Variants in ENG observed in about 807,000 individuals in gnomAD.
ENG encodes CD105 antigen.
Under a neutral mutation model 71.0 loss-of-function variants are expected in ENG, and 17 were observed. The ratio of observed to expected loss-of-function variants is 0.24; its 90% confidence interval spans 0.16 to 0.36. ENG has a LOEUF of 0.36. Ranked by LOEUF, ENG falls within the 10% of genes least tolerant of loss-of-function variation. The pLI is 1.00. For synonymous variants in ENG, 360 were observed against 366.9 expected (o/e 0.98, Z 0.21); for missense variants, 749 against 868.3 (o/e 0.86, Z 1.73).
chr9:127,854,463 AGGCGGCCGGAGCGAC>A lies in ENG; in HGVS notation c.-123_-109del. 1 of 1,252,318 alleles carries A rather than the reference AGGCGGCCGGAGCGAC, an allele frequency of 8.0e-7. No individual in the cohort carries two copies. The highest frequency in any genetic ancestry group is 1.1e-6 in the Non-Finnish European group (1 of 910,118). 77.6% of individuals were successfully genotyped at this position (1,252,318 alleles called of 1,614,324 possible). ...GCTCGCACGGGGACCCGAGGGGAGC[AGGCGGCCGGAGCGAC>A]GGCGTCCCTGCTCCAGCCTTCTGGG... On this transcript the variant is annotated 5_prime_UTR_variant, in exon 1 of 15. Coordinates refer to ENST00000373203, the MANE Select transcript of ENG (RefSeq NM_001114753.3).
intron 1 of ENG, among the ~76,000 whole-genome samples, chr9:127,848,524 T>C (rs1021491840): frequency 5.9e-5 from 9 of 152,190 alleles, no homozygotes; most frequent in African/African-American, 1.9e-4. Context: ...CCGCAAGTGA[T>C]CCTCCCACCT....
intron 13 of ENG, chr9:127,816,764 G>A (rs190815230): frequency 2.0e-4 from 71 of 350,308 alleles, no homozygotes; most frequent in Admixed American, 5.9e-4. Flanking sequence ...TAGAGGGGGC[G>A]TCCTGCAGGG....
intron 7 of ENG, 134 bp downstream of exon 7, chr9:127,824,666 G>A (rs1169503933): frequency 8.7e-7 from 1 of 1,148,258 alleles, no homozygotes; most frequent in African/African-American, 1.6e-5. Flanking sequence ...TTGTTCCCAT[G>A]TGCAGATGAG....
chr9:127,834,991 AAT>A (rs139510422), intron 2 of ENG, among the ~76,000 whole-genome samples: 2 of 150,778 alleles, frequency 1.3e-5, no homozygotes, highest in Non-Finnish European at 1.5e-5. Context: ...TTTTGAATAA[AAT>A]ATATATATAT....
In ENG at chr9:127,816,973, C is replaced by T. The variant is rs1036253047; in HGVS notation, c.1741+176G>A. On this transcript the variant is annotated intron_variant, in intron 13 of 14. Coordinates refer to ENST00000373203, the MANE Select transcript of ENG (RefSeq NM_001114753.3). Reference sequence around the variant, plus strand: ...CCATCTGCAAAGTGCAGCTCTGGCCCCTGCTCTAGGCTGCTATGGCTCTGG... The same window carrying T: ...CCATCTGCAAAGTGCAGCTCTGGCCTCTGCTCTAGGCTGCTATGGCTCTGG... The T allele has an allele frequency of 1.6e-5, 12 of 740,698 alleles. No homozygotes were observed. In the Admixed American group the frequency reaches 2.6e-4, roughly 16 times the overall value. The allele number at this position is 740,698 out of a possible 1,614,324, so 45.9% of individuals were successfully genotyped here.
At chr9:127,819,867 T>C (rs1830430550) in intron 9 of ENG, 33 bp downstream of exon 9, 1 of 1,614,076 alleles carries the variant, frequency 6.2e-7, no homozygotes, top group Non-Finnish European at 8.5e-7. Flanking sequence ...CCAACCAGGC[T>C]GGTCCTGATA....
intron 1 of ENG, among the ~76,000 whole-genome samples, chr9:127,851,170 C>T (rs1831275156): frequency 6.6e-6 from 1 of 152,084 alleles, no homozygotes; most frequent in South Asian, 2.1e-4. Context: ...CAAGCTGAGG[C>T]AGCTATATGG....
intron 1 of ENG, 62 bp downstream of exon 1, chr9:127,854,227 C>T: frequency 1.3e-6 from 2 of 1,520,272 alleles, no homozygotes; most frequent in Non-Finnish European, 1.8e-6. Flanking sequence ...GCCGGGAATA[C>T]TTGGGGCCTG....
At chr9:127,837,764 A>C (rs1830936793) in intron 2 of ENG, among the ~76,000 whole-genome samples, 1 of 145,852 alleles carries the variant, frequency 6.9e-6, no homozygotes, top group African/African-American at 2.6e-5. Context: ...CCTCTCATCC[A>C]TGCATGAATG....
intron 1 of ENG, among the ~76,000 whole-genome samples, chr9:127,848,746 A>C (rs1831229850): frequency 6.6e-6 from 1 of 152,194 alleles, no homozygotes; most frequent in East Asian, 1.9e-4. Context: ...CACTCCCAGC[A>C]GACAGTGAGT....
intron 2 of ENG, among the ~76,000 whole-genome samples, chr9:127,833,522 CAAAAAAAAAAAA>C (rs57982372): frequency 1.5e-5 from 1 of 66,796 alleles, no homozygotes; most frequent in African/African-American, 5.7e-5. Context: ...AACTCCGCCT[CAAAAAAAAAAAA>C]AAAAAAAAAA....
rs1829096617 is a variant in ENG at position 127,854,322 on chromosome 9, G to C, written c.34C>G (p.Leu12Val). ...DRGTLPLAVA[L>V]LLASCSLSPT... ...CTGAGGCTGCAGCTGGCCAGCAGCA[G>C]GGCAACAGCCAGAGGGAGCGTGCCG... The change falls in exon 1 of 15, where the codon CTG becomes GTG. Residue 12 changes from leucine (L) to valine (V), a missense_variant. Coordinates refer to ENST00000373203, the MANE Select transcript of ENG (RefSeq NM_001114753.3). 1 of 1,596,406 alleles carries C rather than the reference G, an allele frequency of 6.3e-7. No homozygotes were observed. Among genetic ancestry groups the C allele is most frequent in the African/African-American group, 1.3e-5 (1 of 74,574 alleles).
intron 2 of ENG, chr9:127,841,281 C>T (rs1440340405): frequency 6.6e-6 from 1 of 152,386 alleles, no homozygotes; most frequent in African/African-American, 2.4e-5. Flanking sequence ...GAGAATGCAC[C>T]AGTCCCCTGG....
Position 127,818,106 on chromosome 9 carries a change from C to T in ENG, c.1686+14G>A. ...CTCCCACTTGAAGCTGGGGCCGGCC[C>T]AGGCCCCACTCACCTGGTCTTGAGA... On this transcript the variant is annotated intron_variant, in intron 12 of 14. Coordinates refer to ENST00000373203, the MANE Select transcript of ENG (RefSeq NM_001114753.3). The T allele has an allele frequency of 6.2e-7, 1 of 1,614,064 alleles. No individual in the cohort carries two copies. The highest frequency in any genetic ancestry group is 8.5e-7 in the Non-Finnish European group (1 of 1,180,042).
chr9:127,854,543 C>T lies in ENG; in HGVS notation c.-188G>A, dbSNP rs961480381. Reference sequence around the variant, plus strand: ...GTCAGGAGAAGTGGACACAGGGACGCGGGGCTGGGCTGGAGTTGCTGTCCG... The same window carrying T: ...GTCAGGAGAAGTGGACACAGGGACGTGGGGCTGGGCTGGAGTTGCTGTCCG... On this transcript the variant is annotated 5_prime_UTR_variant, in exon 1 of 15. Coordinates refer to ENST00000373203, the MANE Select transcript of ENG (RefSeq NM_001114753.3). 83 of 595,262 alleles carry T rather than the reference C, an allele frequency of 1.4e-4. No homozygotes were observed. Among genetic ancestry groups the T allele is most frequent in the Non-Finnish European group, 2.0e-4 (68 of 342,824 alleles). 36.9% of individuals were successfully genotyped at this position (595,262 alleles called of 1,614,324 possible). A position where few individuals can be genotyped will look rare whatever the true frequency, so the allele number is the denominator to read the frequency against.
At chr9:127,816,377 G>A in intron 13 of ENG, 1 of 440,578 alleles carries the variant, frequency 2.3e-6, no homozygotes, top group Non-Finnish European at 4.3e-6. Flanking sequence ...TACAGAGCCT[G>A]CCCCACCTGC....
chr9:127,826,401 C>T lies in ENG; in HGVS notation c.523+109G>A, dbSNP rs1012607031. On this transcript the variant is annotated intron_variant, in intron 4 of 14. Transcript: ENST00000373203. Reference sequence around the variant, plus strand: ...TTGTGGCATGTGAACTGTGGCACAGCGTGTCCCCTCCTGCACTCTTGGTGC... The same window carrying T: ...TTGTGGCATGTGAACTGTGGCACAGTGTGTCCCCTCCTGCACTCTTGGTGC... The T allele has an allele frequency of 1.1e-5, 16 of 1,406,482 alleles. No individual in the cohort carries two copies. The Admixed American group carries it at 1.2e-4, about 10-fold the overall frequency. 87.1% of individuals were successfully genotyped at this position (1,406,482 alleles called of 1,614,324 possible).
rs1060504229 is a variant in ENG at position 127,829,815 on chromosome 9, G to A, written c.232C>T (p.Leu78=). The A allele has an allele frequency of 6.2e-7, 1 of 1,614,074 alleles. No homozygotes were observed. Residue 78 remains leucine (L), a synonymous_variant, in exon 3 of 15, where the codon CTG becomes TTG. Coordinates refer to ENST00000373203, the MANE Select transcript of ENG (RefSeq NM_001114753.3). ...TTGGATGCCTGGAGAGTCAGCTCCAGCTGTGACGGGCCCTGGGGGACACAG... is the reference window on the plus strand; with the variant it reads ...TTGGATGCCTGGAGAGTCAGCTCCAACTGTGACGGGCCCTGGGGGACACAG... ...FLEFPTGPSQ[L]ELTLQASKQN...
chr9:127,852,341 C>T (rs1315514781), intron 1 of ENG, among the ~76,000 whole-genome samples: 1 of 152,172 alleles, frequency 6.6e-6, no homozygotes, highest in East Asian at 1.9e-4. Flanking sequence ...ATTCTAGACC[C>T]ATTTCTAGGA....
Sources: gnomAD v4.1 joint callset for allele counts (sites outside exome capture counted in the v4.1 genomes callset) on GRCh38, gnomAD v4.1.1 for gene constraint, MANE v1.5 for transcripts, NCBI Gene and HGNC (gene_info 2026-07-23, HGNC 2026-07-21) for gene names.